Variants in PSD3 observed in about 807,000 individuals in gnomAD.
The protein encoded by PSD3 is PH and SEC7 domain-containing protein 3.
PSD3 carries 49 observed loss-of-function variants against 105.5 expected under a neutral mutation model. The ratio of observed to expected loss-of-function variants is 0.46; its 90% confidence interval spans 0.37 to 0.59. The LOEUF is 0.59. Among genes scored for constraint, PSD3 ranks in the 20% least tolerant of loss-of-function variants. The probability of loss-of-function intolerance (pLI) is 0.00; values close to 1 mark genes in which losing one functional copy is unlikely to be tolerated. For synonymous variants in PSD3, 557 were observed against 457.8 expected, an observed-to-expected ratio of 1.22 and a Z score of -2.77; for missense variants, 1,561 against 1,263.8, an observed-to-expected ratio of 1.24 and a Z score of -3.57.
chr8:18,720,164 G>A (rs950471990), intron 9 of PSD3, among the ~76,000 whole-genome samples: 2 of 152,040 alleles, frequency 1.3e-5, no homozygotes, highest in African/African-American at 4.8e-5. Flanking sequence ...TGCAAGCAGA[G>A]AAGTTGGAAA....
At chr8:19,018,637 T>C (rs1827253668), upstream of PSD3, among the ~76,000 whole-genome samples, 1 of 152,226 alleles carries the variant, frequency 6.6e-6, no homozygotes, top group East Asian at 1.9e-4. Context: ...GCTGAGAACA[T>C]CTTGCAAAAG....
chr8:18,585,358 C>T (rs955938389), intron 12 of PSD3, among the ~76,000 whole-genome samples: 20 of 152,134 alleles, frequency 1.3e-4, no homozygotes, highest in Non-Finnish European at 1.0e-4. Flanking sequence ...CTCACTGTCA[C>T]GCAGGCTAGA....
chr8:18,838,811 T>C (rs1449912149), intron 4 of PSD3, among the ~76,000 whole-genome samples: 1 of 119,304 alleles, frequency 8.4e-6, no homozygotes, highest in Non-Finnish European at 1.9e-5. Flanking sequence ...CAAATAATAA[T>C]AATAATAATA....
chr8:18,882,846 TAC>T (rs139256546), intron 2 of PSD3, among the ~76,000 whole-genome samples: 131 of 150,044 alleles, frequency 8.7e-4, no homozygotes, highest in Middle Eastern at 3.4e-3. Flanking sequence ...TAGATATATA[TAC>T]ACACACACAC....
chr8:18,872,373 A>G lies in PSD3; in HGVS notation c.491T>C (p.Phe164Ser), dbSNP rs1817437466. Reference protein sequence around the residue: ...KVLDQDAVSSFSVQQVEKELD... With the variant: ...KVLDQDAVSSSSVQQVEKELD... Reference sequence around the variant, plus strand: ...CTCTTTTTCCACCTGCTGAACTGAAAAACTAGAAACAGCATCTTGGTCCAG... The same window carrying G: ...CTCTTTTTCCACCTGCTGAACTGAAGAACTAGAAACAGCATCTTGGTCCAG... The change falls in exon 3 of 16, where the codon TTT becomes TCT. Residue 164 changes from phenylalanine to serine, a missense_variant. Transcript: ENST00000327040. 6.2e-7 allele frequency: 1 copy of G among 1,614,082 alleles called. No individual in the cohort carries two copies. The highest frequency in any genetic ancestry group is 8.5e-7 in the Non-Finnish European group (1 of 1,180,032).
At chr8:18,616,628 C>CTTTTTTCT (rs1554523532) in intron 11 of PSD3, among the ~76,000 whole-genome samples, 1 of 126,776 alleles carries the variant, frequency 7.9e-6, no homozygotes, top group Non-Finnish European at 1.6e-5. Context: ...CTTTTCTTTT[C>CTTTTTTCT]TTTTTTTTTT....
chr8:18,612,298 G>A (rs984205950), intron 11 of PSD3, among the ~76,000 whole-genome samples: 2 of 152,008 alleles, frequency 1.3e-5, no homozygotes, highest in Non-Finnish European at 2.9e-5. Context: ...GTTACTTCAG[G>A]TTGACATTTC....
intron 4 of PSD3, among the ~76,000 whole-genome samples, chr8:18,814,624 A>G (rs146054283): frequency 6.6e-6 from 1 of 152,360 alleles, no homozygotes; most frequent in Non-Finnish European, 1.5e-5. Context: ...ATTTGCAAAG[A>G]AACTCTTACT....
At chr8:19,002,068 C>T (rs1314997186) in intron 1 of PSD3, 1 of 153,442 alleles carries the variant, frequency 6.5e-6, no homozygotes, top group African/African-American at 2.4e-5. Context: ...GCAAACATAT[C>T]ATCCTCTCTC....
chr8:18,719,511 A>T (rs1055780897), intron 9 of PSD3, among the ~76,000 whole-genome samples: 2 of 152,214 alleles, frequency 1.3e-5, no homozygotes, highest in Non-Finnish European at 2.9e-5. Context: ...TATTTGTATA[A>T]AACTGTATCA....
chr8:18,969,908 T>C lies in PSD3; in HGVS notation c.22-33766A>G, dbSNP rs1322665118. ...CCCCACAAGGGATTTTTTAAAACAG[T>C]GCGCAAAATACCTATAGCTTTAAGA... On this transcript the variant is annotated intron_variant, in intron 1 of 15. Transcript: ENST00000327040. 3.3e-5 allele frequency among the ~76,000 whole-genome samples: 5 copies of C among 152,152 alleles called. No homozygotes were observed. The East Asian group carries it at 9.6e-4, about 29-fold the overall frequency.
At chr8:18,647,001 C>T (rs777536889) in intron 10 of PSD3, among the ~76,000 whole-genome samples, 1 of 152,156 alleles carries the variant, frequency 6.6e-6, no homozygotes, top group East Asian at 1.9e-4. Context: ...TAATAGTAAT[C>T]CCATTGCCTC....
At chr8:18,719,145 C>G (rs1802786355) in intron 9 of PSD3, among the ~76,000 whole-genome samples, 2 of 152,180 alleles carry the variant, frequency 1.3e-5, no homozygotes, top group South Asian at 4.1e-4. Context: ...CAGAAGCGCT[C>G]TGCTCTGTTT....
Position 18,803,896 on chromosome 8 carries a change from C to G in PSD3, c.1910+626G>C, listed in dbSNP as rs111823016. 3.5e-4 allele frequency among the ~76,000 whole-genome samples: 53 copies of G among 152,032 alleles called. 1 individual carries two copies. Among genetic ancestry groups the G allele is most frequent in the African/African-American group, 1.2e-3 (51 of 41,476 alleles). On this transcript the variant is annotated intron_variant, in intron 6 of 15. Coordinates refer to ENST00000327040, the MANE Select transcript of PSD3 (RefSeq NM_015310.4). Reference sequence around the variant, plus strand: ...AACATTATGAATGTTTTTAATGCCACTCATTGTATACCTAAAAATTGCTAA... The same window carrying G: ...AACATTATGAATGTTTTTAATGCCAGTCATTGTATACCTAAAAATTGCTAA...
chr8:18,720,389 A>G (rs1208837329), intron 9 of PSD3, among the ~76,000 whole-genome samples: 2 of 152,186 alleles, frequency 1.3e-5, no homozygotes, highest in Non-Finnish European at 2.9e-5. Context: ...ATTTTAATAA[A>G]ATATCTAGGA....
intron 8 of PSD3, among the ~76,000 whole-genome samples, chr8:18,782,825 G>T (rs79224377): frequency 0.021 from 3,270 of 152,322 alleles, 157 homozygotes; most frequent in East Asian, 0.14. Context: ...GGCCATCACC[G>T]AGCATCCAAG....
rs886724143 is a variant in PSD3 at position 18,904,081 on chromosome 8, T to C, written c.131-31348A>G. Among the ~76,000 whole-genome samples the C allele has an allele frequency of 6.6e-4, 101 of 152,252 alleles. 2 individuals carry two copies. Among genetic ancestry groups the C allele is most frequent in the Admixed American group, 6.5e-5 (1 of 15,298 alleles). ...AGTTCTGCAGGCTGTACAGGAAGCA[T>C]AGTGCCAGCATTTGCTTCTGGTCAG... On this transcript the variant is annotated intron_variant, in intron 2 of 15. Coordinates refer to ENST00000327040, the MANE Select transcript of PSD3 (RefSeq NM_015310.4).
chr8:18,841,061 G>C (rs1284367007), intron 4 of PSD3, among the ~76,000 whole-genome samples: 1 of 152,144 alleles, frequency 6.6e-6, no homozygotes, highest in Non-Finnish European at 1.5e-5. Context: ...CTAAGTAGAG[G>C]ATAGAAAGCA....
In PSD3 at chr8:18,629,452, C is replaced by G. The variant is rs115326582; in HGVS notation, c.2410+3161G>C. 9.4e-3 allele frequency among the ~76,000 whole-genome samples: 1,427 copies of G among 152,016 alleles called. 22 individuals carry two copies. The highest frequency in any genetic ancestry group is 0.031 in the African/African-American group (1,306 of 41,490). ...ATAACAGTTCAAAACTGGAAACAAC[C>G]AGAATGCTCAGCTGGTGAATCAATA... On this transcript the variant is annotated intron_variant, in intron 11 of 15. Coordinates refer to ENST00000327040, the MANE Select transcript of PSD3 (RefSeq NM_015310.4).
Sources: allele counts gnomAD v4.1 joint callset (sites outside exome capture counted in the v4.1 genomes callset), GRCh38; gene constraint gnomAD v4.1.1; transcripts MANE v1.5; gene names NCBI Gene and HGNC (gene_info 2026-07-23, HGNC 2026-07-21).